The following KCNJ16 variants were observed in gnomAD, a reference collection of about 807,000 sequenced individuals.
The protein encoded by KCNJ16 is potassium inwardly rectifying channel subfamily J member 16.
In KCNJ16, 15 loss-of-function variants were observed where a neutral mutation model predicts 18.5. The ratio of observed to expected loss-of-function variants is 0.81; its 90% CI spans 0.54 to 1.25. KCNJ16 has a LOEUF of 1.25. Among genes scored for constraint, KCNJ16 ranks in the 50% most tolerant of loss-of-function variants. The pLI is 0.00. For missense variants in KCNJ16, 523 were observed against 525.7 expected (o/e 0.99, Z 0.05); for synonymous variants, 174 against 186.5 (o/e 0.93, Z 0.55).
intron 2 of KCNJ16, among the ~76,000 whole-genome samples, chr17:70,112,532 T>C (rs1436559976): frequency 6.6e-6 from 1 of 152,122 alleles, no homozygotes; most frequent in Non-Finnish European, 1.5e-5. Context: ...TGGTTTATAG[T>C]ATAATCCTTC....
rs1400795330 is a variant in KCNJ16, at chr17:70,134,788, T to C, written c.*1444T>C. On this transcript the variant is annotated 3_prime_UTR_variant, in exon 4 of 4. Transcript: ENST00000392671. Reference sequence around the variant, plus strand: ...AGACACACACACACACAGTTTTTGCTTTTTCTGGAAAATCTTTCTTTCTCT... The same window carrying C: ...AGACACACACACACACAGTTTTTGCCTTTTCTGGAAAATCTTTCTTTCTCT... 1 of 167,018 alleles carries C rather than the reference T, an allele frequency of 6.0e-6. No homozygotes were observed. The highest frequency in any genetic ancestry group is 2.4e-5 in the African/African-American group (1 of 41,458). The allele number at this position is 167,018 out of a possible 1,614,324, so 10.3% of individuals were successfully genotyped here. A position where few individuals can be genotyped will look rare whatever the true frequency, so the allele number is the denominator to read the frequency against.
intron 2 of KCNJ16, among the ~76,000 whole-genome samples, chr17:70,129,901 CATTTATTTATTT>C (rs36175135): frequency 0.025 from 3,618 of 144,330 alleles, 51 homozygotes; most frequent in Admixed American, 0.033. Context: ...TAAAACCTTT[CATTTATTTATTT>C]ATTTATTTAT....
chr17:70,122,343 T>A (rs1598169343), intron 2 of KCNJ16, among the ~76,000 whole-genome samples: 1 of 152,150 alleles, frequency 6.6e-6, no homozygotes, highest in East Asian at 1.9e-4. Context: ...CAGCTAATTT[T>A]TTTTACTTTT....
intron 2 of KCNJ16, among the ~76,000 whole-genome samples, chr17:70,113,631 C>T (rs2073280150): frequency 1.3e-5 from 2 of 152,038 alleles, no homozygotes; most frequent in Non-Finnish European, 2.9e-5. Context: ...TCTTAGTTGC[C>T]CATCAACATG....
At chr17:70,123,322 T>C (rs1196401877) in intron 2 of KCNJ16, among the ~76,000 whole-genome samples, 1 of 152,222 alleles carries the variant, frequency 6.6e-6, no homozygotes, top group Non-Finnish European at 1.5e-5. Flanking sequence ...GAATCTGATT[T>C]GAGCAGAAAC....
rs751257811 is a variant in KCNJ16 at position 70,088,220 on chromosome 17, G to A, written c.-299-12438G>A. Among the ~76,000 whole-genome samples the A allele has an allele frequency of 3.3e-5, 5 of 152,078 alleles. No homozygotes were observed. The South Asian group carries it at 6.2e-4, about 19-fold the overall frequency. On this transcript the variant is annotated intron_variant, in intron 1 of 3. Transcript: ENST00000392671. ...TTTTGTAGAAGACGATTTTTTTCACGGATGGAGGAGAGAGGGGATATGAAA... is the reference window on the plus strand; with the variant it reads ...TTTTGTAGAAGACGATTTTTTTCACAGATGGAGGAGAGAGGGGATATGAAA...
chr17:70,113,263 A>T (rs2073263743), intron 2 of KCNJ16, among the ~76,000 whole-genome samples: 1 of 152,172 alleles, frequency 6.6e-6, no homozygotes, highest in South Asian at 2.1e-4. Flanking sequence ...TCTTAACCCT[A>T]GTCACCTTTC....
chr17:70,107,782 C>T (rs1448197051), intron 2 of KCNJ16, among the ~76,000 whole-genome samples: 1 of 152,044 alleles, frequency 6.6e-6, no homozygotes, highest in African/African-American at 2.4e-5. Context: ...AGACTTTCAC[C>T]ACTGTTTATC....
At chr17:70,112,027 G>T (rs1432212345) in intron 2 of KCNJ16, among the ~76,000 whole-genome samples, 4 of 152,158 alleles carry the variant, frequency 2.6e-5, no homozygotes. Context: ...CAAATGAGAA[G>T]AATATACATC....
intron 1 of KCNJ16, chr17:70,096,991 T>C (rs1234104465): frequency 2.5e-6 from 1 of 397,900 alleles, no homozygotes; most frequent in Non-Finnish European, 4.4e-6. Flanking sequence ...CTATTCTCTT[T>C]TGAACCCTAT....
intron 2 of KCNJ16, among the ~76,000 whole-genome samples, chr17:70,119,890 T>C (rs2073562515): frequency 6.6e-6 from 1 of 152,224 alleles, no homozygotes; most frequent in African/African-American, 2.4e-5. Flanking sequence ...CCTGCTTGAA[T>C]TTGGCTCCCC....
At chr17:70,112,746 A>T (rs1051232643) in intron 2 of KCNJ16, among the ~76,000 whole-genome samples, 2 of 152,212 alleles carry the variant, frequency 1.3e-5, no homozygotes, top group Non-Finnish European at 2.9e-5. Context: ...TGTGGTCTAC[A>T]GTTAAAATTG....
chr17:70,106,495 T>G (rs1200470080), intron 2 of KCNJ16, among the ~76,000 whole-genome samples: 1 of 152,172 alleles, frequency 6.6e-6, no homozygotes, highest in Non-Finnish European at 1.5e-5. Flanking sequence ...GATAGGGGGT[T>G]AATAGCTAAG....
At chr17:70,127,598 C>G (rs1056559879) in intron 2 of KCNJ16, among the ~76,000 whole-genome samples, 7 of 151,944 alleles carry the variant, frequency 4.6e-5, no homozygotes, top group Admixed American at 2.0e-4. Context: ...TACCGGCCTA[C>G]TCTTCATCTA....
chr17:70,135,276 T>C lies in KCNJ16; in HGVS notation c.*1932T>C, dbSNP rs2074186442. The stretch of plus-strand genomic sequence containing the variant: ...AATTAGAGTACTGCAATCTTGTAAG[T>C]AGAAAACAGCCACCATGACAATAAA... On this transcript the variant is annotated 3_prime_UTR_variant, in exon 4 of 4. Transcript: ENST00000392671. 6.0e-6 allele frequency: 1 copy of C among 167,002 alleles called. No individual in the cohort carries two copies. The allele number at this position is 167,002 out of a possible 1,614,324, so 10.3% of individuals were successfully genotyped here.
intron 1 of KCNJ16, among the ~76,000 whole-genome samples, chr17:70,098,684 T>C (rs982681507): frequency 2.0e-5 from 3 of 152,306 alleles, no homozygotes; most frequent in East Asian, 1.9e-4. Flanking sequence ...AGATTAATTT[T>C]TTTCTGACTC....
At chr17:70,087,641 A>G (rs1005065555) in intron 1 of KCNJ16, among the ~76,000 whole-genome samples, 5 of 152,116 alleles carry the variant, frequency 3.3e-5, no homozygotes, top group Admixed American at 2.0e-4. Flanking sequence ...CGGGAGGCAG[A>G]GGTTGTGGTG....
rs2074134223 is a variant in KCNJ16, at chr17:70,133,329, A to G, written c.1242A>G (p.Val414=). 2 of 1,611,744 alleles carry G rather than the reference A, an allele frequency of 1.2e-6. No individual in the cohort carries two copies. Among genetic ancestry groups the G allele is most frequent in the East Asian group, 2.2e-5 (1 of 44,816 alleles). Residue 414 remains valine, a synonymous_variant, in exon 4 of 4, where the codon GTA becomes GTG. Coordinates refer to ENST00000392671, the MANE Select transcript of KCNJ16 (RefSeq NM_170741.4). ...TCCTGACTTTAAACAGAATCTCTGT[A>G]GAATCCCAAATGTAGTCCTAAATTG... ...KALLTLNRIS[V]ESQM
chr17:70,082,321 G>A (rs2071590546), intron 1 of KCNJ16, among the ~76,000 whole-genome samples: 1 of 152,152 alleles, frequency 6.6e-6, no homozygotes, highest in Admixed American at 6.5e-5. Context: ...GATAAAAGCA[G>A]AGTGGCAGGG....
Sources: gnomAD v4.1 joint callset for allele counts (sites outside exome capture counted in the v4.1 genomes callset) on GRCh38, gnomAD v4.1.1 for gene constraint, MANE v1.5 for transcripts, NCBI Gene and HGNC (gene_info 2026-07-23, HGNC 2026-07-21) for gene names.